CCSER1: variants seen among roughly 807,000 people sequenced by gnomAD.
CCSER1 encodes coiled-coil serine rich protein 1.
In CCSER1, 41 loss-of-function variants were observed where a neutral mutation model predicts 82.0. The observed-to-expected ratio is 0.50, with a 90% CI of 0.39 to 0.65. The LOEUF (loss-of-function observed/expected upper bound fraction) is 0.65, where lower values mean the gene tolerates loss of function less well. CCSER1 is among the 30% of genes least tolerant of loss of function. The pLI, the probability that CCSER1 is intolerant of heterozygous loss-of-function variation, is 0.00. For synonymous variants in CCSER1, 414 were observed against 383.9 expected (o/e 1.08, Z -0.92); for missense variants, 1,119 against 1,064.2 (o/e 1.05, Z -0.72).
chr4:91,063,583 CA>C (rs570922102), intron 9 of CCSER1, among the ~76,000 whole-genome samples: 21 of 152,180 alleles, frequency 1.4e-4, no homozygotes, highest in African/African-American at 4.6e-4. Flanking sequence ...TATCTTGACT[CA>C]TTTTCTTATT....
Position 90,460,008 on chromosome 4 carries a change from G to A in CCSER1, c.1604-8226G>A, listed in dbSNP as rs1385053514. 2.6e-5 allele frequency among the ~76,000 whole-genome samples: 4 copies of A among 152,158 alleles called. No individual in the cohort carries two copies. The East Asian group carries it at 5.8e-4, about 22-fold the overall frequency. On this transcript the variant is annotated intron_variant, in intron 4 of 10. Coordinates refer to ENST00000509176, the MANE Select transcript of CCSER1 (RefSeq NM_001145065.2). ...TTATTGTAGAAAAAAATTTCACAAC[G>A]AAATATTTGTGAAAAGAACTATTCA...
chr4:90,653,619 A>C (rs887820416), intron 6 of CCSER1, among the ~76,000 whole-genome samples: 2 of 152,090 alleles, frequency 1.3e-5, no homozygotes, highest in Admixed American at 1.3e-4. Flanking sequence ...TAATTTTTAT[A>C]TTTCCAGTAA....
intron 7 of CCSER1, among the ~76,000 whole-genome samples, chr4:90,735,091 T>C (rs12513283): frequency 6.6e-6 from 1 of 152,138 alleles, no homozygotes; most frequent in African/African-American, 2.4e-5. Context: ...TATATGTTTA[T>C]TGCCCTTCAT....
At chr4:90,925,652 A>C (rs1028608878) in intron 9 of CCSER1, among the ~76,000 whole-genome samples, 1 of 152,124 alleles carries the variant, frequency 6.6e-6, no homozygotes, top group Admixed American at 6.6e-5. Context: ...AATTTCTATG[A>C]TATTTCTTAT....
intron 10 of CCSER1, among the ~76,000 whole-genome samples, chr4:91,343,017 T>G (rs2149289827): frequency 6.6e-6 from 1 of 152,218 alleles, no homozygotes; most frequent in East Asian, 1.9e-4. Context: ...TATAAAAAAT[T>G]CAGTGAAGAT....
At chr4:90,538,270 G>A (rs1038252656) in intron 5 of CCSER1, among the ~76,000 whole-genome samples, 4 of 152,006 alleles carry the variant, frequency 2.6e-5, no homozygotes, top group African/African-American at 7.2e-5. Flanking sequence ...TTCACTCATA[G>A]TTATGCAGTT....
At chr4:90,862,128 T>A (rs1765187572) in intron 8 of CCSER1, among the ~76,000 whole-genome samples, 1 of 151,704 alleles carries the variant, frequency 6.6e-6, no homozygotes, top group East Asian at 1.9e-4. Context: ...GTAGAACAAT[T>A]AGAAGATACA....
At chr4:90,855,357 C>A (rs1244168298) in intron 8 of CCSER1, among the ~76,000 whole-genome samples, 1 of 152,098 alleles carries the variant, frequency 6.6e-6, no homozygotes, top group Non-Finnish European at 1.5e-5. Flanking sequence ...TTTGCTCAAT[C>A]TATTTCTTTA....
intron 1 of CCSER1, among the ~76,000 whole-genome samples, chr4:90,167,003 C>T (rs911462867): frequency 7.2e-5 from 11 of 151,814 alleles, no homozygotes; most frequent in Middle Eastern, 3.6e-3. Flanking sequence ...TTTAATCAAG[C>T]GTAAGTTTAT....
At chr4:91,528,212 C>T (rs1441463187) in intron 10 of CCSER1, among the ~76,000 whole-genome samples, 3 of 151,008 alleles carry the variant, frequency 2.0e-5, no homozygotes, top group Non-Finnish European at 4.5e-5. Flanking sequence ...TGAGCCACTG[C>T]GCCCAGCCCA....
chr4:90,335,062 T>C (rs762268660), intron 3 of CCSER1, among the ~76,000 whole-genome samples: 4 of 152,162 alleles, frequency 2.6e-5, no homozygotes, highest in Non-Finnish European at 5.9e-5. Context: ...GTATTGTAAG[T>C]AGCAGCGGGT....
chr4:90,570,431 C>T (rs1262780519), intron 5 of CCSER1, among the ~76,000 whole-genome samples: 2 of 152,086 alleles, frequency 1.3e-5, no homozygotes, highest in African/African-American at 4.8e-5. Flanking sequence ...CATGGTGCCA[C>T]TACCCTGCCT....
chr4:90,540,236 A>AT (rs1262865726), intron 5 of CCSER1, among the ~76,000 whole-genome samples: 1 of 152,138 alleles, frequency 6.6e-6, no homozygotes, highest in Admixed American at 6.5e-5. Context: ...TGTGAAATAG[A>AT]TTTTTCTAGT....
chr4:90,477,090 T>C (rs1765215817), intron 5 of CCSER1, among the ~76,000 whole-genome samples: 1 of 152,182 alleles, frequency 6.6e-6, no homozygotes, highest in Non-Finnish European at 1.5e-5. Flanking sequence ...CGTGCTAACC[T>C]CATCCCATGA....
At chr4:90,819,232 T>A (rs899374590) in intron 8 of CCSER1, among the ~76,000 whole-genome samples, 2 of 152,176 alleles carry the variant, frequency 1.3e-5, no homozygotes, top group Non-Finnish European at 2.9e-5. Flanking sequence ...ACACTAATCC[T>A]GTCATAAGGA....
intron 10 of CCSER1, among the ~76,000 whole-genome samples, chr4:91,500,982 G>GT (rs1393522740): frequency 6.6e-6 from 1 of 151,686 alleles, no homozygotes; most frequent in African/African-American, 2.4e-5. Context: ...TACCTTTTAT[G>GT]TTTTTTCTAC....
chr4:91,145,622 C>CG (rs1249970107), intron 10 of CCSER1, among the ~76,000 whole-genome samples: 1 of 152,046 alleles, frequency 6.6e-6, no homozygotes, highest in Non-Finnish European at 1.5e-5. Context: ...AATCTCTCTT[C>CG]GGCGTCACTG....
chr4:91,212,289 T>C (rs932301259), intron 10 of CCSER1, among the ~76,000 whole-genome samples: 5 of 152,040 alleles, frequency 3.3e-5, no homozygotes, highest in Non-Finnish European at 7.4e-5. Context: ...AATTGTAAAA[T>C]TGAGCTGTGC....
intron 10 of CCSER1, among the ~76,000 whole-genome samples, chr4:91,438,103 C>T (rs1475898963): frequency 6.6e-6 from 1 of 152,200 alleles, no homozygotes; most frequent in Non-Finnish European, 1.5e-5. Context: ...TTAAATGTCC[C>T]TGTCTGACAG....
Sources: allele counts gnomAD v4.1 joint callset (sites outside exome capture counted in the v4.1 genomes callset), GRCh38; gene constraint gnomAD v4.1.1; transcripts MANE v1.5; gene names NCBI Gene and HGNC (gene_info 2026-07-23, HGNC 2026-07-21).